The following DTNA variants were observed in gnomAD, a reference collection of about 807,000 sequenced individuals.
DTNA encodes the protein dystrophin-related protein 3.
In DTNA, 43 loss-of-function variants were observed where a neutral mutation model predicts 100.7. The ratio of observed to expected loss-of-function variants is 0.43; its 90% confidence interval spans 0.33 to 0.55. The LOEUF is 0.55. Among genes scored for constraint, DTNA ranks in the 20% least tolerant of loss-of-function variants. The pLI, the probability that DTNA is intolerant of heterozygous loss-of-function variation, is 0.04. For synonymous variants in DTNA, 349 were observed against 347.9 expected (o/e 1.00, Z -0.04); for missense variants, 798 against 953.9 (o/e 0.84, Z 2.15).
intron 17 of DTNA, among the ~76,000 whole-genome samples, chr18:34,865,362 CTTCT>C (rs2096686245): frequency 6.7e-6 from 1 of 149,882 alleles, no homozygotes; most frequent in Non-Finnish European, 1.5e-5. Flanking sequence ...CCCCTCTTTC[CTTCT>C]TTGTTTTATT....
At chr18:34,614,610 T>G (rs2147654537) in intron 1 of DTNA, among the ~76,000 whole-genome samples, 1 of 152,218 alleles carries the variant, frequency 6.6e-6, no homozygotes, top group East Asian at 1.9e-4. Context: ...GTCCAAAACT[T>G]CAGTGGAAGA....
intron 1 of DTNA, among the ~76,000 whole-genome samples, chr18:34,566,125 A>G (rs1037198340): frequency 2.6e-5 from 4 of 152,246 alleles, no homozygotes; most frequent in Non-Finnish European, 4.4e-5. Flanking sequence ...AAGATTGCCA[A>G]TGCAAGCTGT....
At chr18:34,549,460 A>T (rs755952256) in intron 1 of DTNA, among the ~76,000 whole-genome samples, 1 of 151,448 alleles carries the variant, frequency 6.6e-6, no homozygotes, top group Non-Finnish European at 1.5e-5. Context: ...AATGTTAATT[A>T]AAAAGCTTCC....
intron 1 of DTNA, among the ~76,000 whole-genome samples, chr18:34,504,664 C>A (rs1239714027): frequency 1.3e-5 from 2 of 152,230 alleles, no homozygotes; most frequent in East Asian, 3.9e-4. Context: ...TGTGTTACTT[C>A]CTTTGGACTC....
At chr18:34,620,852 G>C (rs915460337) in intron 1 of DTNA, among the ~76,000 whole-genome samples, 5 of 151,968 alleles carry the variant, frequency 3.3e-5, no homozygotes, top group African/African-American at 1.2e-4. Flanking sequence ...ATTTGGGTGG[G>C]GACACATATC....
At chr18:34,566,787 G>A (rs571215184) in intron 1 of DTNA, among the ~76,000 whole-genome samples, 2 of 152,232 alleles carry the variant, frequency 1.3e-5, no homozygotes, top group Non-Finnish European at 2.9e-5. Flanking sequence ...CCTACATAAA[G>A]TAGATCAGAG....
At chr18:34,820,751 T>C (rs774568442) in intron 8 of DTNA, 40 bp from the exon 9 acceptor site, 2 of 1,613,586 alleles carry the variant, frequency 1.2e-6, no homozygotes, top group Non-Finnish European at 1.7e-6. Flanking sequence ...ATTACATAAA[T>C]ATTAGCTGTT....
Position 34,858,295 on chromosome 18 carries a change from C to T in DTNA, c.1543C>T (p.Gln515Ter), listed in dbSNP as rs997041007. ...CTCCTCTCTCCCAAGAGAAATCTTA[C>T]AGGAGATCCAGAGACTTCGGCTAGA... is the stretch of plus-strand genomic sequence containing the variant. ...ELENKNREIL[Q>*]EIQRLRLEHE... Residue 515 changes from glutamine (Q) to a stop codon, truncating the protein, a stop_gained, in exon 16 of 23, where the codon CAG becomes TAG. Coordinates refer to ENST00000444659, the MANE Select transcript of DTNA (RefSeq NM_001386795.1). LOFTEE classifies it high-confidence loss of function. The T allele has an allele frequency of 1.2e-6, 2 of 1,614,130 alleles. No homozygotes were observed. The highest frequency in any genetic ancestry group is 1.7e-5 in the Admixed American group (1 of 60,028).
intron 1 of DTNA, among the ~76,000 whole-genome samples, chr18:34,587,249 A>ATATT (rs1357487257): frequency 1.3e-5 from 2 of 151,780 alleles, no homozygotes; most frequent in African/African-American, 4.8e-5. Context: ...CAAGCATGTT[A>ATATT]TATTGGTTGT....
At chr18:34,498,441 ATAT>A (rs1305309418) in intron 1 of DTNA, among the ~76,000 whole-genome samples, 3 of 67,558 alleles carry the variant, frequency 4.4e-5, no homozygotes, top group Non-Finnish European at 8.4e-5. Flanking sequence ...TCAGAAAATA[ATAT>A]AATAATAATA....
intron 13 of DTNA, among the ~76,000 whole-genome samples, chr18:34,840,056 T>C (rs2096240259): frequency 6.6e-6 from 1 of 152,192 alleles, no homozygotes; most frequent in African/African-American, 2.4e-5. Flanking sequence ...TTTGCAAGAT[T>C]AATACATGAG....
intron 2 of DTNA, 144 bp downstream of exon 2, chr18:34,756,187 T>C (rs1056841146): frequency 2.8e-5 from 25 of 897,674 alleles, no homozygotes; most frequent in Non-Finnish European, 4.3e-5. Context: ...TTTGGCCTTT[T>C]TTACTTCTTA....
chr18:34,647,220 A>G (rs546678327), intron 1 of DTNA, among the ~76,000 whole-genome samples: 3 of 152,266 alleles, frequency 2.0e-5, no homozygotes, highest in East Asian at 1.9e-4. Context: ...AGCCACATGT[A>G]TAATAAATTA....
intron 16 of DTNA, among the ~76,000 whole-genome samples, chr18:34,859,746 A>G (rs192260245): frequency 1.5e-3 from 227 of 151,756 alleles, no homozygotes; most frequent in African/African-American, 5.2e-3. Flanking sequence ...CTCCTGACTC[A>G]ATCAGATTCT....
chr18:34,682,133 C>T (rs2078221134), intron 1 of DTNA, among the ~76,000 whole-genome samples: 1 of 151,994 alleles, frequency 6.6e-6, no homozygotes, highest in African/African-American at 2.4e-5. Context: ...CTTGATAGTT[C>T]ATTTTGTTTT....
At chr18:34,804,478 G>A (rs535472076) in intron 4 of DTNA, among the ~76,000 whole-genome samples, 1 of 152,254 alleles carries the variant, frequency 6.6e-6, no homozygotes, top group Admixed American at 6.5e-5. Flanking sequence ...TGAAAAGAAG[G>A]GAATGGATTC....
At chr18:34,609,245 C>CTTTTTTTTTT (rs71166019) in intron 1 of DTNA, among the ~76,000 whole-genome samples, 1 of 131,336 alleles carries the variant, frequency 7.6e-6, no homozygotes, top group African/African-American at 2.9e-5. Flanking sequence ...TGCTTTAATT[C>CTTTTTTTTTT]TTTTTTTTTT....
intron 1 of DTNA, among the ~76,000 whole-genome samples, chr18:34,641,372 C>T (rs943590645): frequency 6.6e-6 from 1 of 152,186 alleles, no homozygotes; most frequent in East Asian, 1.9e-4. Context: ...TGGGAACTGG[C>T]CACTGATCAC....
intron 22 of DTNA, among the ~76,000 whole-genome samples, chr18:34,885,892 A>T (rs2150467666): frequency 6.6e-6 from 1 of 152,340 alleles, no homozygotes; most frequent in African/African-American, 2.4e-5. Flanking sequence ...GCTAGGATGC[A>T]GCTACATGTG....
Sources: allele counts gnomAD v4.1 joint callset (sites outside exome capture counted in the v4.1 genomes callset), GRCh38; gene constraint gnomAD v4.1.1; transcripts MANE v1.5; gene names NCBI Gene and HGNC (gene_info 2026-07-23, HGNC 2026-07-21).